MEDAG: variants seen among roughly 807,000 people sequenced by gnomAD.
The protein encoded by MEDAG is mesenteric estrogen dependent adipogenesis.
In MEDAG, 25 loss-of-function variants were observed where a neutral mutation model predicts 29.9. The ratio of observed to expected loss-of-function variants is 0.84; its 90% CI spans 0.61 to 1.17. MEDAG has a LOEUF of 1.17. Ranked by LOEUF, MEDAG falls within the 50% of genes most tolerant of loss-of-function variation. The pLI, the probability that MEDAG is intolerant of heterozygous loss-of-function variation, is 0.00. For missense variants in MEDAG, 398 were observed against 372.9 expected, an observed-to-expected ratio of 1.07 and a Z score of -0.56; for synonymous variants, 158 against 148.2, an observed-to-expected ratio of 1.07 and a Z score of -0.48.
At chr13:30,919,990 C>A (rs187540096) in intron 2 of MEDAG, among the ~76,000 whole-genome samples, 3 of 152,260 alleles carry the variant, frequency 2.0e-5, no homozygotes, top group Admixed American at 2.0e-4. Flanking sequence ...TCAATCAACA[C>A]CAAAAAAATC....
At chr13:30,923,749 C>T (rs1953012688) in intron 4 of MEDAG, among the ~76,000 whole-genome samples, 1 of 152,168 alleles carries the variant, frequency 6.6e-6, no homozygotes, top group Non-Finnish European at 1.5e-5. Context: ...CTGTGGGCTG[C>T]CCAGAGTGTC....
In MEDAG at chr13:30,915,743, G is replaced by A. The variant is rs528985273; in HGVS notation, c.279-1660G>A. Among the ~76,000 whole-genome samples the A allele has an allele frequency of 7.6e-3, 1,156 of 152,050 alleles. 18 individuals are homozygous for A. Among genetic ancestry groups the A allele is most frequent in the African/African-American group, 0.027 (1,113 of 41,458 alleles). ...GGATGAGGGCAGGGGAGGGGTGAAG[G>A]AAGACCCATACCAAAGCCATGTGTG... On this transcript the variant is annotated intron_variant, in intron 1 of 4. Transcript: ENST00000380482.
chr13:30,913,466 C>G (rs1172447427), intron 1 of MEDAG, among the ~76,000 whole-genome samples: 15 of 152,140 alleles, frequency 9.9e-5, no homozygotes, highest in Non-Finnish European at 4.4e-5. Flanking sequence ...CTCCTTGCCT[C>G]AAGCAGTCCT....
chr13:30,908,382 G>A (rs576342291), intron 1 of MEDAG, among the ~76,000 whole-genome samples: 1 of 152,344 alleles, frequency 6.6e-6, no homozygotes, highest in Non-Finnish European at 1.5e-5. Context: ...ATAGCAAGGA[G>A]CCTCTGAAAA....
At chr13:30,917,330 T>C (rs879460393) in intron 1 of MEDAG, 73 bp from the exon 2 acceptor site, 7 of 897,362 alleles carry the variant, frequency 7.8e-6, no homozygotes, top group Non-Finnish European at 1.3e-5. Context: ...GGCAGATACC[T>C]GTCCAGTACA....
intron 4 of MEDAG, 170 bp downstream of exon 4, chr13:30,922,016 G>A (rs1952992274): frequency 2.9e-6 from 2 of 678,080 alleles, no homozygotes; most frequent in East Asian, 5.8e-5. Flanking sequence ...AAAAACAAAT[G>A]CAGTGACTTT....
chr13:30,919,085 G>A (rs1029189972), intron 2 of MEDAG, among the ~76,000 whole-genome samples: 12 of 152,100 alleles, frequency 7.9e-5, no homozygotes, highest in African/African-American at 2.4e-4. Flanking sequence ...TGAAGTTGTC[G>A]AACAACTATC....
chr13:30,912,533 C>CA (rs1566126091), intron 1 of MEDAG, among the ~76,000 whole-genome samples: 2 of 146,218 alleles, frequency 1.4e-5, no homozygotes, highest in Non-Finnish European at 3.0e-5. Flanking sequence ...ACACACACAC[C>CA]CCACCCTTTG....
At chr13:30,919,476 C>G (rs34773051) in intron 2 of MEDAG, among the ~76,000 whole-genome samples, 46,614 of 152,026 alleles carry the variant, frequency 0.31, 7,533 homozygotes, top group African/African-American at 0.41. Flanking sequence ...TATATAATGA[C>G]CCCAGAGGTG....
At chr13:30,919,281 T>C (rs1056857355) in intron 2 of MEDAG, among the ~76,000 whole-genome samples, 1 of 152,376 alleles carries the variant, frequency 6.6e-6, no homozygotes, top group Admixed American at 6.5e-5. Flanking sequence ...AGTCTTGCTG[T>C]TATTCTAAAC....
At position 30,917,482 on chromosome 13, in the gene MEDAG, A is replaced by G. The variant is rs1952940447; in HGVS notation, c.358A>G (p.Asn120Asp). ...ILSKPMLFFI[N>D]VQTKKDTSKE... ...GAGCAAACCAATGTTGTTCTTTATT[A>G]ATGTACAGACCAAAAAAGACACCTC... The change falls in exon 2 of 5, where the codon AAT (asparagine) becomes GAT (aspartate). Residue 120 changes from asparagine to aspartate, a missense_variant. Asn to Asp is a conservative substitution (Grantham distance 23, BLOSUM62 1). Coordinates refer to ENST00000380482, the MANE Select transcript of MEDAG (RefSeq NM_032849.4). 1 of 1,608,152 alleles carries G rather than the reference A, an allele frequency of 6.2e-7. No homozygotes were observed.
At chr13:30,912,949 A>T (rs1566126194) in intron 1 of MEDAG, among the ~76,000 whole-genome samples, 1 of 152,246 alleles carries the variant, frequency 6.6e-6, no homozygotes, top group Non-Finnish European at 1.5e-5. Flanking sequence ...TTTATCAAGC[A>T]TCTACTATGG....
intron 4 of MEDAG, among the ~76,000 whole-genome samples, chr13:30,923,696 C>A (rs143666602): frequency 6.6e-6 from 1 of 152,218 alleles, no homozygotes; most frequent in Non-Finnish European, 1.5e-5. Flanking sequence ...GCCCCAGCAG[C>A]CTGGGCAGGA....
At chr13:30,921,871 T>C in intron 4 of MEDAG, 25 bp downstream of exon 4, 3 of 1,564,750 alleles carry the variant, frequency 1.9e-6, no homozygotes, top group South Asian at 1.2e-5. Context: ...CCGAAGGATA[T>C]GTGGAAGGTA....
rs1001558687 is a variant in MEDAG at position 30,924,655 on chromosome 13, T to A, written c.*220T>A. ...CCCCTAAAACTTATGATTACCAGGA[T>A]GGAAAGGCCTTGGTCCCATGGCACT... On this transcript the variant is annotated 3_prime_UTR_variant, in exon 5 of 5. Transcript: ENST00000380482. 6 of 420,732 alleles carry A rather than the reference T, an allele frequency of 1.4e-5. No homozygotes were observed. The highest frequency in any genetic ancestry group is 1.2e-4 in the African/African-American group (6 of 49,158). 26.1% of individuals were successfully genotyped at this position (420,732 alleles called of 1,614,324 possible).
At chr13:30,913,397 T>C (rs547887721) in intron 1 of MEDAG, among the ~76,000 whole-genome samples, 3 of 152,114 alleles carry the variant, frequency 2.0e-5, no homozygotes, top group African/African-American at 7.2e-5. Context: ...AAAAATTTGT[T>C]GTAGAGGCAA....
intron 2 of MEDAG, 141 bp from the exon 3 acceptor site, chr13:30,920,873 G>A: frequency 1.5e-6 from 1 of 681,562 alleles, no homozygotes. Flanking sequence ...TTTGTAGTAA[G>A]GTTGTGAGGG....
intron 1 of MEDAG, among the ~76,000 whole-genome samples, chr13:30,911,042 G>A (rs146121104): frequency 2.0e-5 from 3 of 152,340 alleles, no homozygotes; most frequent in African/African-American, 7.2e-5. Context: ...ATTTTTAGGA[G>A]AGTCAGTCTA....
chr13:30,924,277 G>A (rs761558165), intron 4 of MEDAG, 34 bp from the exon 5 acceptor site: 2 of 1,569,520 alleles, frequency 1.3e-6, no homozygotes, highest in Non-Finnish European at 1.7e-6. Flanking sequence ...TTTCAGTGAT[G>A]GTAATAATGC....
Sources: allele counts gnomAD v4.1 joint callset (sites outside exome capture counted in the v4.1 genomes callset), GRCh38; gene constraint gnomAD v4.1.1; transcripts MANE v1.5; gene names NCBI Gene and HGNC (gene_info 2026-07-23, HGNC 2026-07-21).